Variants in NDUFA5 observed in about 807,000 individuals in gnomAD.
NDUFA5 encodes NADH:ubiquinone oxidoreductase subunit A5.
In NDUFA5, 11 loss-of-function variants were observed where a neutral mutation model predicts 19.8. The ratio of observed to expected loss-of-function variants is 0.56; its 90% CI spans 0.35 to 0.92. The LOEUF is 0.92. NDUFA5 is among the 40% of genes least tolerant of loss of function. The probability of loss-of-function intolerance (pLI) is 0.01; values close to 1 mark genes in which losing one functional copy is unlikely to be tolerated. For missense variants in NDUFA5, 109 were observed against 134.2 expected, an observed-to-expected ratio of 0.81 and a Z score of 0.93; for synonymous variants, 47 against 46.8, an observed-to-expected ratio of 1.00 and a Z score of -0.01.
the NDUFA5 span, among the ~76,000 whole-genome samples, chr7:123,567,767 C>T: frequency 6.6e-6 from 1 of 151,564 alleles, no homozygotes; most frequent in Admixed American, 6.6e-5. Flanking sequence ...GTAGCAAAAG[C>T]GAAAATAACC....
intron 2 of NDUFA5, chr7:123,551,589 A>G: frequency 1.4e-6 from 1 of 736,060 alleles, no homozygotes; most frequent in Non-Finnish European, 1.7e-6. Flanking sequence ...GTAGAAATAA[A>G]CACATATAAT....
intron 2 of NDUFA5, chr7:123,551,533 G>A (rs933355310): frequency 3.5e-5 from 34 of 977,458 alleles, no homozygotes; most frequent in Admixed American, 1.2e-4. Context: ...AGTGAGGTCC[G>A]AAGCACTGCA....
At chr7:123,587,776 T>C in the NDUFA5 span, among the ~76,000 whole-genome samples, 1 of 151,850 alleles carries the variant, frequency 6.6e-6, no homozygotes, top group Non-Finnish European at 1.5e-5. Flanking sequence ...AAATACTTTT[T>C]CTGCATCAGT....
the NDUFA5 span, among the ~76,000 whole-genome samples, chr7:123,577,081 ATC>A: frequency 6.6e-6 from 1 of 152,134 alleles, no homozygotes; most frequent in East Asian, 1.9e-4. Flanking sequence ...TTATAAAAAT[ATC>A]TTTTACATAA....
chr7:123,580,882 T>C, the NDUFA5 span, among the ~76,000 whole-genome samples: 1 of 152,140 alleles, frequency 6.6e-6, no homozygotes, highest in Non-Finnish European at 1.5e-5. Flanking sequence ...TGTTGAAGCT[T>C]GGTCAGAGAC....
chr7:123,574,161 C>T, the NDUFA5 span, among the ~76,000 whole-genome samples: 6 of 150,912 alleles, frequency 4.0e-5, no homozygotes, highest in Non-Finnish European at 5.9e-5. Context: ...GACATCTCTT[C>T]TTTTTTTATA....
chr7:123,578,156 A>C, the NDUFA5 span, among the ~76,000 whole-genome samples: 3 of 150,372 alleles, frequency 2.0e-5, no homozygotes, highest in Non-Finnish European at 4.4e-5. Context: ...ATAGTAAAAT[A>C]AATTTCAAAT....
chr7:123,588,218 G>A, the NDUFA5 span, among the ~76,000 whole-genome samples: 1 of 151,706 alleles, frequency 6.6e-6, no homozygotes. Flanking sequence ...TCTCATTTTG[G>A]TCTATTCAGA....
At chr7:123,573,936 T>C in the NDUFA5 span, among the ~76,000 whole-genome samples, 2 of 152,068 alleles carry the variant, frequency 1.3e-5, no homozygotes, top group Non-Finnish European at 2.9e-5. Flanking sequence ...GGGACAAAAA[T>C]TACAAATTTA....
rs1452897523 is a variant in NDUFA5, at chr7:123,539,310, CTA to C, written c.*2807_*2808del. 2 of 152,122 alleles carry C rather than the reference CTA, an allele frequency of 1.3e-5. No homozygotes were observed. Among genetic ancestry groups the C allele is most frequent in the Non-Finnish European group, 2.9e-5 (2 of 68,028 alleles). 9.4% of individuals were successfully genotyped at this position (152,122 alleles called of 1,614,324 possible). On this transcript the variant is annotated 3_prime_UTR_variant, in exon 5 of 5. Transcript: ENST00000355749. ...ATTCCAAGTGGAATGATAAATTATC[CTA>C]TAGTTATCCTAAATATAAGCCATTT... is the stretch of plus-strand genomic sequence containing the variant.
In NDUFA5 at chr7:123,537,700, T is replaced by C. The variant is rs367666425; in HGVS notation, c.*4419A>G. 200 of 152,238 alleles carry C rather than the reference T, an allele frequency of 1.3e-3. No homozygotes were observed. The highest frequency in any genetic ancestry group is 4.7e-3 in the African/African-American group (196 of 41,548). The allele number at this position is 152,238 out of a possible 1,614,324, so 9.4% of individuals were successfully genotyped here. ...GTGGGGTTTGTTGCCAAATGAGTTA[T>C]GAAAAAACTTTGTTTTCAGAGATTT... On this transcript the variant is annotated 3_prime_UTR_variant, in exon 5 of 5. Coordinates refer to ENST00000355749, the MANE Select transcript of NDUFA5 (RefSeq NM_005000.5).
At chr7:123,550,344 A>G in intron 3 of NDUFA5, 126 bp downstream of exon 3, 1 of 656,494 alleles carries the variant, frequency 1.5e-6, no homozygotes, top group South Asian at 1.6e-5. Context: ...AAAGGGAGGA[A>G]TGATGGGAAA....
chr7:123,591,680 G>T, the NDUFA5 span, among the ~76,000 whole-genome samples: 1,171 of 152,254 alleles, frequency 7.7e-3, 18 homozygotes, highest in African/African-American at 0.027. Flanking sequence ...GCTTTTTGAC[G>T]TGTTGCTGGA....
intron 1 of NDUFA5, 38 bp downstream of exon 1, chr7:123,557,737 A>C: frequency 1.2e-6 from 2 of 1,613,784 alleles, no homozygotes; most frequent in African/African-American, 1.3e-5. Context: ...GTCTACCCCC[A>C]CAGTCTAAAT....
intron 2 of NDUFA5, among the ~76,000 whole-genome samples, chr7:123,554,337 C>A (rs1370660597): frequency 6.6e-6 from 1 of 152,028 alleles, no homozygotes; most frequent in South Asian, 2.1e-4. Context: ...ATATGGCTTA[C>A]ATTTAAGGCT....
At chr7:123,554,171 A>G (rs190431043) in intron 2 of NDUFA5, among the ~76,000 whole-genome samples, 9 of 152,330 alleles carry the variant, frequency 5.9e-5, no homozygotes, top group Admixed American at 2.6e-4. Flanking sequence ...GAGTTGGAAA[A>G]TTTAGTATGA....
At chr7:123,552,877 A>G (rs1291257913) in intron 2 of NDUFA5, among the ~76,000 whole-genome samples, 1 of 152,126 alleles carries the variant, frequency 6.6e-6, no homozygotes, top group Non-Finnish European at 1.5e-5. Context: ...CCACAGCACA[A>G]GCACCATCCT....
chr7:123,559,260 G>A (rs939256789), upstream of NDUFA5, among the ~76,000 whole-genome samples: 2 of 150,972 alleles, frequency 1.3e-5, no homozygotes, highest in African/African-American at 4.9e-5. Flanking sequence ...ACTCAAGAAG[G>A]CATAAAGAAA....
the NDUFA5 span, among the ~76,000 whole-genome samples, chr7:123,586,483 G>C: frequency 6.6e-6 from 1 of 151,430 alleles, no homozygotes; most frequent in African/African-American, 2.4e-5. Context: ...TATATGTTTT[G>C]TAAATATTTT....
Sources: gnomAD v4.1 joint callset for allele counts (sites outside exome capture counted in the v4.1 genomes callset) on GRCh38, gnomAD v4.1.1 for gene constraint, MANE v1.5 for transcripts, NCBI Gene and HGNC (gene_info 2026-07-23, HGNC 2026-07-21) for gene names.